The following NAV1 variants were observed in gnomAD, a reference collection of about 807,000 sequenced individuals.
NAV1 encodes pore membrane and/or filament interacting like protein 3.
In NAV1, 18 loss-of-function variants were observed where a neutral mutation model predicts 175.2. The observed-to-expected ratio is 0.10, with a 90% CI of 0.07 to 0.15. The LOEUF is 0.15. NAV1 is among the 10% of genes least tolerant of loss of function. NAV1 has a pLI of 1.00. For synonymous variants in NAV1, 897 were observed against 978.7 expected, an observed-to-expected ratio of 0.92 and a Z score of 1.56; for missense variants, 1,731 against 2,436.6, an observed-to-expected ratio of 0.71 and a Z score of 6.10.
chr1:201,576,684 G>A (rs1666701126), intron 1 of NAV1, among the ~76,000 whole-genome samples: 1 of 152,194 alleles, frequency 6.6e-6, no homozygotes, highest in Non-Finnish European at 1.5e-5. Context: ...TTAGTTGCAA[G>A]TTAATTTTTT....
intron 3 of NAV1, among the ~76,000 whole-genome samples, chr1:201,735,176 T>G (rs958450997): frequency 2.6e-5 from 4 of 152,174 alleles, no homozygotes; most frequent in South Asian, 2.1e-4. Flanking sequence ...CCTGTCAATC[T>G]GAGCCCCACA....
At chr1:201,550,775 T>C (rs148577532) in intron 1 of NAV1, among the ~76,000 whole-genome samples, 1,624 of 152,366 alleles carry the variant, frequency 0.011, 28 homozygotes, top group African/African-American at 0.036. Flanking sequence ...CTGCACTTTC[T>C]GTCCTGGGAA....
rs766694052 is a variant in NAV1 at position 201,808,839 on chromosome 1, C to T, written c.4175C>T (p.Thr1392Ile). Residue 1392 changes from threonine (T) to isoleucine (I), a missense_variant, in exon 20 of 30, where the codon ACC (threonine) becomes ATC (isoleucine). By Grantham distance (89) the Thr-to-Ile change is moderately conservative. Transcript: ENST00000367296. This position sits in a 1 kb window ranked among gnomAD's most constrained non-coding sequence, Gnocchi z 5.5. ...CGCCGCTCCCTAGGCCTGGCACTCA[C>T]CCATTCCTTCGGCCCCAGTCTTGCA... 3 of 1,613,316 alleles carry T rather than the reference C, an allele frequency of 1.9e-6. No homozygotes were observed. The highest frequency in any genetic ancestry group is 2.2e-5 in the South Asian group (2 of 91,064).
At chr1:201,665,590 A>ACCCCCCCCCCCCCCCCCCCCCCCC (rs3053790) in intron 1 of NAV1, among the ~76,000 whole-genome samples, 2 of 128,526 alleles carry the variant, frequency 1.6e-5, no homozygotes, top group African/African-American at 3.0e-5. Flanking sequence ...AGAGCACCCC[A>ACCCCCCCCCCCCCCCCCCCCCCCC]CCCCCCCCAC....
At chr1:201,682,191 C>T (rs558742802) in intron 1 of NAV1, among the ~76,000 whole-genome samples, 6 of 150,812 alleles carry the variant, frequency 4.0e-5, no homozygotes, top group Admixed American at 3.3e-4. Flanking sequence ...GAGGCTGAGG[C>T]ACAAGAATCA....
chr1:201,717,237 C>T (rs1672175879), intron 2 of NAV1, among the ~76,000 whole-genome samples: 2 of 152,236 alleles, frequency 1.3e-5, no homozygotes, highest in Non-Finnish European at 2.9e-5. Context: ...TGGATGTGTT[C>T]ACAGAGCAGT....
At position 201,664,780 on chromosome 1, in the gene NAV1, C is replaced by T. The variant is rs1337502411; in HGVS notation, c.757+15355C>T. Among the ~76,000 whole-genome samples the T allele has an allele frequency of 2.0e-5, 3 of 152,150 alleles. No individual in the cohort carries two copies. In the East Asian group the frequency reaches 5.8e-4, roughly 29 times the overall value. On this transcript the variant is annotated intron_variant, in intron 1 of 29. Transcript: ENST00000367296. ...CTGTTCTTCCTGAGTCCTCTATTTT[C>T]CTGGATCCTTGCTCATGAGCCGTGG...
intron 3 of NAV1, among the ~76,000 whole-genome samples, chr1:201,735,393 A>C (rs369162039): frequency 4.6e-5 from 7 of 152,330 alleles, no homozygotes; most frequent in African/African-American, 1.4e-4. Flanking sequence ...TTTTCTGACC[A>C]CATGAACTGG....
intron 1 of NAV1, among the ~76,000 whole-genome samples, chr1:201,691,669 C>T (rs1246892307): frequency 6.6e-6 from 1 of 152,194 alleles, no homozygotes; most frequent in Non-Finnish European, 1.5e-5. Context: ...AGAATAGCGG[C>T]TTGTATGACC....
chr1:201,788,397 G>A lies in NAV1; in HGVS notation c.2996-71G>A. 1.3e-6 allele frequency: 2 copies of A among 1,552,446 alleles called. No homozygotes were observed. The highest frequency in any genetic ancestry group is 3.3e-5 in the Admixed American group (2 of 59,722). On this transcript the variant is annotated intron_variant, in intron 9 of 29. Transcript: ENST00000367296. The surrounding 1 kb of genome is among the most constrained non-coding windows in gnomAD (Gnocchi z 5.7). ...GTGCTCCATCCCCCAAGGGCCCGGA[G>A]AGCTGATGACCCTGCCTCTTTTCCT...
intron 3 of NAV1, among the ~76,000 whole-genome samples, chr1:201,737,026 T>A (rs974002301): frequency 2.0e-5 from 3 of 151,104 alleles, no homozygotes; most frequent in African/African-American, 7.3e-5. Flanking sequence ...TGCCACCATA[T>A]CCCTTCCACT....
chr1:201,746,892 T>C (rs1208361875), intron 3 of NAV1, among the ~76,000 whole-genome samples: 1 of 151,706 alleles, frequency 6.6e-6, no homozygotes, highest in African/African-American at 2.4e-5. Flanking sequence ...TAGTTCCAGC[T>C]ACTCGGGAGG....
At chr1:201,704,870 A>G (rs1411158713) in intron 1 of NAV1, among the ~76,000 whole-genome samples, 1 of 152,214 alleles carries the variant, frequency 6.6e-6, no homozygotes, top group Non-Finnish European at 1.5e-5. Flanking sequence ...GGGCTTGGGT[A>G]TCCTCTACTC....
chr1:201,665,113 C>T (rs1188420197), intron 1 of NAV1, among the ~76,000 whole-genome samples: 1 of 152,186 alleles, frequency 6.6e-6, no homozygotes, highest in Admixed American at 6.5e-5. Context: ...GCACCAGCGT[C>T]CTCCCACCCA....
At chr1:201,817,222 C>T (rs769571898) in exon 29 of NAV1, 23 of 1,614,166 alleles carry the variant, frequency 1.4e-5, no homozygotes, top group Non-Finnish European at 1.9e-5. Context: ...ACAGCATTGC[C>T]TCACCTCCCG....
intron 15 of NAV1, chr1:201,797,111 T>C (rs755075284): frequency 3.3e-5 from 5 of 152,244 alleles, no homozygotes; most frequent in Admixed American, 6.5e-5. Context: ...TTCTAAATTT[T>C]TTTTTAGTTT....
chr1:201,660,768 C>G lies in NAV1; in HGVS notation c.757+11343C>G, dbSNP rs139857293. Among the ~76,000 whole-genome samples the G allele has an allele frequency of 2.3e-3, 351 of 152,324 alleles. 3 individuals are homozygous for G. Among genetic ancestry groups the G allele is most frequent in the African/African-American group, 8.0e-3 (332 of 41,562 alleles). ...TCACACTGAGATATTAATCAAGGAT[C>G]ATATGCAAAATATTTGACAACCCTC... On this transcript the variant is annotated intron_variant, in intron 1 of 29. Transcript: ENST00000367296.
intron 2 of NAV1, among the ~76,000 whole-genome samples, chr1:201,589,572 G>A (rs1368858132): frequency 6.6e-6 from 1 of 151,980 alleles, no homozygotes. Flanking sequence ...GCTCACTGCA[G>A]CCTCTGCCTC....
chr1:201,544,489 A>C (rs1346212932), intron 1 of NAV1, among the ~76,000 whole-genome samples: 1 of 152,212 alleles, frequency 6.6e-6, no homozygotes. Context: ...AGATACATCA[A>C]ATCCCCCTAA....
Sources: gnomAD v4.1 joint callset for allele counts (sites outside exome capture counted in the v4.1 genomes callset) on GRCh38, gnomAD v4.1.1 for gene constraint, Gnocchi (gnomAD v3.1) non-coding constraint, MANE v1.5 for transcripts, NCBI Gene and HGNC (gene_info 2026-07-23, HGNC 2026-07-21) for gene names.